WWOX: variants seen among roughly 807,000 people sequenced by gnomAD.
The protein encoded by WWOX is WW domain-containing oxidoreductase.
Under a neutral mutation model 46.2 loss-of-function variants are expected in WWOX, and 69 were observed. The observed-to-expected ratio is 1.49, with a 90% CI of 1.23 to 1.82. The LOEUF (loss-of-function observed/expected upper bound fraction) is 1.82. WWOX is among the 40% of genes most tolerant of loss of function. The pLI, the probability that WWOX is intolerant of heterozygous loss-of-function variation, is 0.00. For missense variants in WWOX, 919 were observed against 542.6 expected (o/e 1.69, Z -6.89); for synonymous variants, 359 against 202.6 (o/e 1.77, Z -6.56).
chr16:78,989,821 C>CGTGTGTTT (rs34409137), intron 8 of WWOX, among the ~76,000 whole-genome samples: 14,051 of 136,224 alleles, frequency 0.1, 828 homozygotes, highest in Middle Eastern at 0.23. Flanking sequence ...GGTGTGTGAG[C>CGTGTGTTT]GTGTGTGTGT....
intron 8 of WWOX, among the ~76,000 whole-genome samples, chr16:79,011,768 C>G (rs889276766): frequency 6.6e-6 from 1 of 152,064 alleles, no homozygotes; most frequent in African/African-American, 2.4e-5. Context: ...GCTGGGATTA[C>G]AGGCATGAGC....
chr16:78,319,811 CCTTT>C (rs1273598740), intron 5 of WWOX, among the ~76,000 whole-genome samples: 6 of 152,148 alleles, frequency 3.9e-5, no homozygotes, highest in Admixed American at 6.5e-5. Flanking sequence ...CCGCCCTTAG[CCTTT>C]CTTTCAGCCT....
chr16:78,547,082 C>T (rs147031688), intron 8 of WWOX, among the ~76,000 whole-genome samples: 1 of 136,998 alleles, frequency 7.3e-6, no homozygotes, highest in African/African-American at 2.8e-5. Flanking sequence ...GAGCCAAGAT[C>T]ATGCCACTGC....
chr16:78,691,426 G>A (rs2047985350), intron 8 of WWOX: 2 of 630,534 alleles, frequency 3.2e-6, no homozygotes, highest in Admixed American at 2.4e-5. Context: ...GCTGGGCATG[G>A]TGGTTCACAC....
At chr16:78,417,811 C>T (rs1160433238) in intron 6 of WWOX, among the ~76,000 whole-genome samples, 1 of 152,124 alleles carries the variant, frequency 6.6e-6, no homozygotes, top group Non-Finnish European at 1.5e-5. Flanking sequence ...TGTGTATTGA[C>T]AATTGTAGTG....
chr16:78,713,144 T>C (rs1465490571), intron 8 of WWOX, among the ~76,000 whole-genome samples: 1 of 151,744 alleles, frequency 6.6e-6, no homozygotes, highest in Non-Finnish European at 1.5e-5. Flanking sequence ...TGGTGGTGCC[T>C]ACCTGTGGTC....
At chr16:79,126,419 C>T (rs1243665607) in intron 8 of WWOX, among the ~76,000 whole-genome samples, 1 of 152,088 alleles carries the variant, frequency 6.6e-6, no homozygotes, top group African/African-American at 2.4e-5. Context: ...GGGTGGTTTT[C>T]CCCATGCTGT....
chr16:78,332,282 C>T (rs578223485), intron 5 of WWOX, among the ~76,000 whole-genome samples: 10 of 152,242 alleles, frequency 6.6e-5, no homozygotes, highest in South Asian at 6.2e-4. Flanking sequence ...TCTCTGCTTC[C>T]GCATTTCTAA....
At chr16:78,486,934 C>T (rs1269729176) in intron 8 of WWOX, among the ~76,000 whole-genome samples, 1 of 152,186 alleles carries the variant, frequency 6.6e-6, no homozygotes, top group Non-Finnish European at 1.5e-5. Flanking sequence ...ATTCCTAATG[C>T]AGGCTCATTC....
chr16:78,444,052 C>G lies in WWOX; in HGVS notation c.1056+11300C>G, dbSNP rs544616904. Among the ~76,000 whole-genome samples the G allele has an allele frequency of 7.8e-4, 118 of 152,234 alleles. 1 individual carries two copies. The highest frequency in any genetic ancestry group is 1.5e-3 in the Non-Finnish European group (99 of 68,004). On this transcript the variant is annotated intron_variant, in intron 8 of 8. Transcript: ENST00000566780. ...CTGTGAGGTGTAAGGTAATGTTTTCCTAGCAAAAACAAAGAGGGCTGAAAC... is the reference window on the plus strand; with the variant it reads ...CTGTGAGGTGTAAGGTAATGTTTTCGTAGCAAAAACAAAGAGGGCTGAAAC...
intron 8 of WWOX, among the ~76,000 whole-genome samples, chr16:78,594,393 T>A (rs2045427467): frequency 1.4e-5 from 2 of 143,790 alleles, no homozygotes; most frequent in Non-Finnish European, 3.0e-5. Context: ...CCTCTCTTTG[T>A]GTTACCTGAG....
intron 6 of WWOX, among the ~76,000 whole-genome samples, chr16:78,419,921 A>G (rs1318240935): frequency 6.6e-6 from 1 of 152,068 alleles, no homozygotes; most frequent in African/African-American, 2.4e-5. Context: ...TCTAGAATAA[A>G]GAACTTTTAC....
intron 8 of WWOX, among the ~76,000 whole-genome samples, chr16:79,094,263 T>C (rs896737443): frequency 6.6e-6 from 1 of 151,766 alleles, no homozygotes; most frequent in African/African-American, 2.4e-5. Flanking sequence ...TTTTTTTCTT[T>C]TTTTCTTTGA....
At chr16:78,964,275 C>T (rs192062996) in intron 8 of WWOX, among the ~76,000 whole-genome samples, 114 of 152,298 alleles carry the variant, frequency 7.5e-4, no homozygotes, top group African/African-American at 2.4e-3. Context: ...TTCCTAGAGA[C>T]TTGTTGAATG....
At chr16:78,660,922 T>G (rs926358361) in intron 8 of WWOX, among the ~76,000 whole-genome samples, 2 of 152,224 alleles carry the variant, frequency 1.3e-5, no homozygotes, top group Non-Finnish European at 1.5e-5. Flanking sequence ...CTCAACCTCC[T>G]AATACTGCAT....
chr16:78,390,109 T>C (rs1315822079), intron 6 of WWOX, among the ~76,000 whole-genome samples: 2 of 152,216 alleles, frequency 1.3e-5, no homozygotes, highest in Admixed American at 6.5e-5. Flanking sequence ...CAGGGTCACT[T>C]AGCAGGTTGG....
chr16:78,189,818 CTAA>C, intron 5 of WWOX, among the ~76,000 whole-genome samples: 1 of 152,184 alleles, frequency 6.6e-6, no homozygotes, highest in East Asian at 1.9e-4. Flanking sequence ...CCACGCTCAG[CTAA>C]TTTTTGTATG....
chr16:78,850,739 C>G (rs2052422221), intron 8 of WWOX, among the ~76,000 whole-genome samples: 1 of 152,024 alleles, frequency 6.6e-6, no homozygotes, highest in Admixed American at 6.6e-5. Flanking sequence ...ACTCAGGGCT[C>G]AATTCAAAAA....
intron 8 of WWOX, among the ~76,000 whole-genome samples, chr16:78,997,334 C>G (rs994129667): frequency 3.3e-5 from 5 of 152,268 alleles, no homozygotes; most frequent in African/African-American, 9.6e-5. Context: ...TAACGTACCT[C>G]TTAACTGCAT....
Sources: allele counts gnomAD v4.1 joint callset (sites outside exome capture counted in the v4.1 genomes callset), GRCh38; gene constraint gnomAD v4.1.1; transcripts MANE v1.5; gene names NCBI Gene and HGNC (gene_info 2026-07-23, HGNC 2026-07-21).